KIF20B: variants seen among roughly 807,000 people sequenced by gnomAD.
KIF20B encodes the protein kinesin-like protein KIF20B.
A neutral mutation model predicts 232.5 loss-of-function variants in KIF20B; 188 were observed. The observed-to-expected ratio is 0.81, with a 90% CI of 0.72 to 0.91. The LOEUF is 0.91. KIF20B is among the 40% of genes least tolerant of loss of function. The pLI is 0.00. For synonymous variants in KIF20B, 712 were observed against 683.0 expected, an observed-to-expected ratio of 1.04 and a Z score of -0.66; for missense variants, 2,154 against 2,055.9, an observed-to-expected ratio of 1.05 and a Z score of -0.92.
intron 28 of KIF20B, 58 bp from the exon 29 acceptor site, chr10:89,762,580 T>C (rs1019436409): frequency 7.1e-5 from 93 of 1,310,088 alleles, no homozygotes; most frequent in Non-Finnish European, 9.6e-5. Flanking sequence ...ATTAATTCTT[T>C]GTGGTTTATA....
At chr10:89,727,516 A>G (rs540244468) in intron 16 of KIF20B, among the ~76,000 whole-genome samples, 1 of 152,360 alleles carries the variant, frequency 6.6e-6, no homozygotes, top group African/African-American at 2.4e-5. Context: ...ACAAATGGGT[A>G]GAAAATAACA....
chr10:89,709,828 T>G, intron 4 of KIF20B, 99 bp from the exon 5 acceptor site: 3 of 944,672 alleles, frequency 3.2e-6, no homozygotes, highest in Non-Finnish European at 4.4e-6. Flanking sequence ...ATTTTAAGAA[T>G]GAATCTTTTA....
intron 18 of KIF20B, 79 bp from the exon 19 acceptor site, chr10:89,732,824 C>T (rs757946058): frequency 4.6e-5 from 58 of 1,250,280 alleles, no homozygotes; most frequent in Non-Finnish European, 5.8e-5. Flanking sequence ...TATGGTACAC[C>T]ATTGAAAGTA....
At chr10:89,720,941 C>G (rs910240375) in intron 13 of KIF20B, among the ~76,000 whole-genome samples, 2 of 152,142 alleles carry the variant, frequency 1.3e-5, no homozygotes, top group African/African-American at 4.8e-5. Context: ...AACTCCTGAC[C>G]TTGCGATTGC....
rs762534227 is a variant in KIF20B, at chr10:89,737,914, CAGTT to C, written c.3076_3079del (p.Leu1026ThrfsTer3). The C allele has an allele frequency of 2.6e-5, 42 of 1,613,224 alleles. No homozygotes were observed. Among genetic ancestry groups the C allele is most frequent in the Middle Eastern group, 1.6e-4 (1 of 6,076 alleles). ...TGAGGAGGATAATTTGCCAAATACA[CAGTT>C]AGACCTTTTAGGTAATGATTATTTG... On this transcript the variant is annotated frameshift_variant, in exon 20 of 33. Transcript: ENST00000371728. LOFTEE classifies it high-confidence loss of function.
intron 31 of KIF20B, among the ~76,000 whole-genome samples, chr10:89,769,290 CA>C (rs769992895): frequency 7.2e-5 from 11 of 151,930 alleles, no homozygotes; most frequent in Non-Finnish European, 1.6e-4. Flanking sequence ...AGAATACAGT[CA>C]TGGGTTCTTA....
chr10:89,704,644 C>T (rs1044253374), intron 1 of KIF20B, among the ~76,000 whole-genome samples: 2 of 152,034 alleles, frequency 1.3e-5, no homozygotes, highest in East Asian at 3.8e-4. Context: ...GCAACCTCTG[C>T]CTCCCGGGTT....
intron 5 of KIF20B, among the ~76,000 whole-genome samples, chr10:89,710,620 A>T (rs1468935365): frequency 6.6e-6 from 1 of 152,238 alleles, no homozygotes; most frequent in Non-Finnish European, 1.5e-5. Flanking sequence ...AAAATCCAGA[A>T]AAAGTATTGA....
intron 2 of KIF20B, among the ~76,000 whole-genome samples, chr10:89,706,791 C>A (rs772520270): frequency 2.0e-5 from 3 of 152,036 alleles, no homozygotes; most frequent in Non-Finnish European, 4.4e-5. Flanking sequence ...TATTCCAACA[C>A]AATACTCTCT....
chr10:89,735,272 A>G (rs932670148), intron 19 of KIF20B, among the ~76,000 whole-genome samples: 4 of 152,160 alleles, frequency 2.6e-5, no homozygotes, highest in African/African-American at 9.7e-5. Context: ...GAGATAGAAA[A>G]GAAGAACATA....
At chr10:89,705,559 T>C (rs1190062145) in intron 2 of KIF20B, 118 bp downstream of exon 2, 1 of 789,256 alleles carries the variant, frequency 1.3e-6, no homozygotes, top group Non-Finnish European at 1.9e-6. Context: ...CTAAGAATTG[T>C]TTTTATATTT....
At chr10:89,761,386 T>G (rs1017746110) in intron 28 of KIF20B, among the ~76,000 whole-genome samples, 1 of 151,958 alleles carries the variant, frequency 6.6e-6, no homozygotes, top group East Asian at 1.9e-4. Flanking sequence ...GAATTTTGCC[T>G]GAGTGTTTGT....
chr10:89,707,142 G>A (rs961604553), intron 2 of KIF20B, among the ~76,000 whole-genome samples: 1 of 152,066 alleles, frequency 6.6e-6, no homozygotes, highest in African/African-American at 2.4e-5. Flanking sequence ...AACATTTTAT[G>A]TTATTTGATG....
chr10:89,739,130 T>A (rs754872179), intron 21 of KIF20B, 34 bp downstream of exon 21: 2 of 1,598,200 alleles, frequency 1.3e-6, no homozygotes, highest in Admixed American at 3.6e-5. Flanking sequence ...GGCCAGTTTA[T>A]GATAAAGATT....
Position 89,762,786 on chromosome 10 carries a change from C to T in KIF20B, c.4940C>T (p.Thr1647Ile). 1 of 1,613,176 alleles carries T rather than the reference C, an allele frequency of 6.2e-7. No individual in the cohort carries two copies. Among genetic ancestry groups the T allele is most frequent in the African/African-American group, 1.3e-5 (1 of 74,966 alleles). Residue 1647 changes from threonine to isoleucine, a missense_variant, in exon 29 of 33, where the codon ACA becomes ATA. Physicochemically the swap from Thr to Ile is moderately conservative, Grantham distance 89. Transcript: ENST00000371728. The part of the protein sequence containing the change: ...VKHPGCTTPV[T>I]VKIPKARKRK... ...CACCCTGGTTGTACCACACCAGTGA[C>T]AGTTAAGATTCCCAAGGCTCGGAAG... is the stretch of plus-strand genomic sequence containing the variant.
chr10:89,725,469 AG>A (rs2133107950), intron 15 of KIF20B, among the ~76,000 whole-genome samples: 1 of 152,304 alleles, frequency 6.6e-6, no homozygotes, highest in South Asian at 2.1e-4. Flanking sequence ...TTAAATAAAA[AG>A]AATTTTAAAG....
intron 29 of KIF20B, among the ~76,000 whole-genome samples, chr10:89,764,701 G>A (rs1842318395): frequency 6.6e-6 from 1 of 151,444 alleles, no homozygotes; most frequent in Non-Finnish European, 1.5e-5. Context: ...CTTCTTTTGA[G>A]AAGTGTCTGT....
At chr10:89,730,890 T>A (rs1843303057) in intron 18 of KIF20B, among the ~76,000 whole-genome samples, 1 of 152,090 alleles carries the variant, frequency 6.6e-6, no homozygotes. Flanking sequence ...AGGATTGAGA[T>A]GGAATTAGAC....
chr10:89,703,460 G>A (rs892040059), intron 1 of KIF20B, among the ~76,000 whole-genome samples: 1 of 152,142 alleles, frequency 6.6e-6, no homozygotes, highest in Admixed American at 6.5e-5. Context: ...CATCTAGAGG[G>A]GAAAGAGGGC....
Sources: gnomAD v4.1 joint callset for allele counts (sites outside exome capture counted in the v4.1 genomes callset) on GRCh38, gnomAD v4.1.1 for gene constraint, MANE v1.5 for transcripts, NCBI Gene and HGNC (gene_info 2026-07-23, HGNC 2026-07-21) for gene names.